The following COP1 variants were observed in gnomAD, a reference collection of about 807,000 sequenced individuals.
COP1 encodes the protein E3 ubiquitin-protein ligase COP1.
COP1 carries 24 observed loss-of-function variants against 101.3 expected under a neutral mutation model. The observed-to-expected ratio is 0.24, with a 90% CI of 0.17 to 0.33. The LOEUF (loss-of-function observed/expected upper bound fraction) is 0.33, where lower values mean the gene tolerates loss of function less well. Ranked by LOEUF, COP1 falls within the 10% of genes least tolerant of loss-of-function variation. COP1 has a pLI of 1.00. For missense variants in COP1, 663 were observed against 906.2 expected, an observed-to-expected ratio of 0.73 and a Z score of 3.45; for synonymous variants, 347 against 341.9, an observed-to-expected ratio of 1.01 and a Z score of -0.17.
At chr1:176,031,587 G>C (rs1212316889) in intron 14 of COP1, among the ~76,000 whole-genome samples, 1 of 152,058 alleles carries the variant, frequency 6.6e-6, no homozygotes, top group African/African-American at 2.4e-5. Context: ...AAAATACACT[G>C]TATTTATTTA....
rs141342495 is a variant in COP1, at chr1:176,165,028, A to G, written c.566-1137T>C. On this transcript the variant is annotated intron_variant, in intron 3 of 19. Transcript: ENST00000367669. ...ACCCAACTGTCTGATACTTCCCAGT[A>G]TATCACAATGCAAGTATAAATATTT... is the stretch of plus-strand genomic sequence containing the variant. 3.5e-4 allele frequency among the ~76,000 whole-genome samples: 54 copies of G among 152,326 alleles called. No homozygotes were observed. The East Asian group carries it at 9.6e-3, about 27-fold the overall frequency.
rs12031979 is a variant in COP1, at chr1:175,996,847, C to T, written c.1730-7368G>A. ...CCCAAGGTAATTTATAGATTCAATG[C>T]CATCCCCATCAAGCTACCAATGACT... On this transcript the variant is annotated intron_variant, in intron 15 of 19. Transcript: ENST00000367669. Among the ~76,000 whole-genome samples, 499 of 152,060 alleles carry T rather than the reference C, an allele frequency of 3.3e-3. 13 individuals carry two copies. The East Asian group carries it at 0.043, about 13-fold the overall frequency.
intron 9 of COP1, among the ~76,000 whole-genome samples, chr1:176,106,675 A>T (rs911945325): frequency 3.7e-4 from 57 of 152,156 alleles, no homozygotes; most frequent in African/African-American, 1.2e-3. Context: ...CTAACCAATC[A>T]GGCACTCCTG....
At chr1:176,007,841 G>T (rs1489726265) in intron 15 of COP1, among the ~76,000 whole-genome samples, 2 of 152,242 alleles carry the variant, frequency 1.3e-5, no homozygotes, top group African/African-American at 4.8e-5. Flanking sequence ...ACAGAGGCAG[G>T]CAGGCCTCCT....
At chr1:176,117,914 A>C (rs963499142) in intron 8 of COP1, among the ~76,000 whole-genome samples, 14 of 152,262 alleles carry the variant, frequency 9.2e-5, no homozygotes, top group African/African-American at 3.1e-4. Flanking sequence ...ACAAACAAAC[A>C]AACAAAAAAC....
intron 2 of COP1, among the ~76,000 whole-genome samples, chr1:176,179,650 T>A (rs10913148): frequency 0.4 from 60,037 of 151,854 alleles, 12,081 homozygotes; most frequent in Middle Eastern, 0.45. Context: ...AGCAGGAGGA[T>A]TGCTTGAGCC....
intron 18 of COP1, among the ~76,000 whole-genome samples, chr1:175,964,809 A>G (rs1651797142): frequency 6.6e-6 from 1 of 152,232 alleles, no homozygotes; most frequent in Admixed American, 6.5e-5. Flanking sequence ...GTAAATATAA[A>G]GAATAAAAAT....
intron 9 of COP1, among the ~76,000 whole-genome samples, chr1:176,105,646 T>C (rs1232162755): frequency 6.6e-6 from 1 of 152,180 alleles, no homozygotes; most frequent in Non-Finnish European, 1.5e-5. Flanking sequence ...TGACCTCAGC[T>C]TGTATGGACT....
intron 6 of COP1, among the ~76,000 whole-genome samples, chr1:176,147,931 G>A (rs1009925913): frequency 2.6e-5 from 4 of 151,900 alleles, no homozygotes; most frequent in African/African-American, 9.7e-5. Context: ...ACAGATTCTC[G>A]CCCTGTTGCC....
chr1:176,087,629 A>G (rs1680465096), intron 9 of COP1, among the ~76,000 whole-genome samples: 1 of 152,238 alleles, frequency 6.6e-6, no homozygotes. Context: ...GGATGTGAAG[A>G]AACAGGAACG....
chr1:176,047,106 A>T (rs1029543648), intron 11 of COP1, among the ~76,000 whole-genome samples: 6 of 152,160 alleles, frequency 3.9e-5, no homozygotes, highest in South Asian at 4.1e-4. Flanking sequence ...TTGTTACATA[A>T]CCAGCTGGAA....
chr1:176,019,925 G>A (rs1666449787), intron 15 of COP1, among the ~76,000 whole-genome samples: 1 of 152,084 alleles, frequency 6.6e-6, no homozygotes, highest in African/African-American at 2.4e-5. Context: ...ATTTATATAT[G>A]TTCATGATTT....
intron 1 of COP1, among the ~76,000 whole-genome samples, chr1:176,198,227 T>A (rs905562292): frequency 1.3e-5 from 2 of 152,152 alleles, no homozygotes; most frequent in Admixed American, 6.5e-5. Context: ...ACTACCTGAT[T>A]TCAAGATGTA....
chr1:175,974,146 A>C (rs1653941032), intron 18 of COP1, among the ~76,000 whole-genome samples: 1 of 152,218 alleles, frequency 6.6e-6, no homozygotes, highest in Non-Finnish European at 1.5e-5. Flanking sequence ...GGCAGGACAT[A>C]AACTAAACTA....
intron 1 of COP1, among the ~76,000 whole-genome samples, chr1:176,188,936 CAGAGAA>C (rs1252326977): frequency 6.6e-6 from 1 of 151,742 alleles, no homozygotes; most frequent in African/African-American, 2.4e-5. Context: ...TCACAGATGA[CAGAGAA>C]AGAGTTAGGA....
chr1:175,949,144 A>C (rs1052560243), intron 18 of COP1, among the ~76,000 whole-genome samples: 29 of 126,596 alleles, frequency 2.3e-4, no homozygotes, highest in African/African-American at 7.9e-4. Context: ...GCCTGGCTGG[A>C]GAGACTCCAG....
At position 176,065,099 on chromosome 1, in the gene COP1, T is replaced by C. The variant is rs1338862885; in HGVS notation, c.1277+16053A>G. Among the ~76,000 whole-genome samples the C allele has an allele frequency of 3.3e-5, 5 of 152,362 alleles. No homozygotes were observed. The East Asian group carries it at 9.6e-4, about 29-fold the overall frequency. On this transcript the variant is annotated intron_variant, in intron 11 of 19. Transcript: ENST00000367669. ...TAACCCAATAAACTAATATGAGTTTTAGTCATTAATTTAATGGCATTCATT... is the reference window on the plus strand; with the variant it reads ...TAACCCAATAAACTAATATGAGTTTCAGTCATTAATTTAATGGCATTCATT...
At position 176,206,599 on chromosome 1, in the gene COP1, TAGG is replaced by T. The variant is rs750957513; in HGVS notation, c.377_379del (p.Ser126del). 1 of 1,611,572 alleles carries T rather than the reference TAGG, an allele frequency of 6.2e-7. No individual in the cohort carries two copies. The highest frequency in any genetic ancestry group is 8.5e-7 in the Non-Finnish European group (1 of 1,179,874). On this transcript the variant is annotated inframe_deletion, in exon 1 of 20. Transcript: ENST00000367669. Reference sequence around the variant, plus strand: ...TACGAAGTCGTTGCTTTTGTCCTCGTAGGAGTTGATGAGCCCGTTGCAGAGGGG... The same window carrying T: ...TACGAAGTCGTTGCTTTTGTCCTCGTAGTTGATGAGCCCGTTGCAGAGGGG...
intron 8 of COP1, among the ~76,000 whole-genome samples, chr1:176,132,580 A>T (rs1689074611): frequency 7.1e-6 from 1 of 141,794 alleles, no homozygotes; most frequent in South Asian, 2.2e-4. Flanking sequence ...TATATACTAT[A>T]TATACACACA....
Sources: gnomAD v4.1 joint callset for allele counts (sites outside exome capture counted in the v4.1 genomes callset) on GRCh38, gnomAD v4.1.1 for gene constraint, MANE v1.5 for transcripts, NCBI Gene and HGNC (gene_info 2026-07-23, HGNC 2026-07-21) for gene names.